The following TRHDE variants were observed in gnomAD, a reference collection of about 807,000 sequenced individuals.
TRHDE encodes the protein thyrotropin releasing hormone degrading enzyme.
Under a neutral mutation model 125.7 loss-of-function variants are expected in TRHDE, and 72 were observed. The observed-to-expected ratio is 0.57, with a 90% confidence interval of 0.47 to 0.70. The LOEUF (loss-of-function observed/expected upper bound fraction) is 0.70. Ranked by LOEUF, TRHDE falls within the 30% of genes least tolerant of loss-of-function variation. The pLI, the probability that TRHDE is intolerant of heterozygous loss-of-function variation, is 0.00. For missense variants in TRHDE, 1,110 were observed against 1,327.1 expected, an observed-to-expected ratio of 0.84 and a Z score of 2.54; for synonymous variants, 509 against 509.1, an observed-to-expected ratio of 1.00 and a Z score of 0.00.
chr12:72,466,324 G>C (rs1185752339), intron 3 of TRHDE, among the ~76,000 whole-genome samples: 1 of 152,122 alleles, frequency 6.6e-6, no homozygotes, highest in Non-Finnish European at 1.5e-5. Flanking sequence ...GGCTTGATAT[G>C]CTAGCTTAGC....
chr12:72,611,509 C>T lies in TRHDE; in HGVS notation c.2322-7382C>T, dbSNP rs74105930. The stretch of plus-strand genomic sequence containing the variant: ...TCAGTAATGATTTGAAAAGACAGCC[C>T]TCTTGACCTTTTTGCACTTTCAACT... On this transcript the variant is annotated intron_variant, in intron 12 of 18. Transcript: ENST00000261180. Among the ~76,000 whole-genome samples, 1,096 of 152,238 alleles carry T rather than the reference C, an allele frequency of 7.2e-3. 14 individuals are homozygous for T. Among genetic ancestry groups the T allele is most frequent in the African/African-American group, 0.025 (1,053 of 41,544 alleles).
rs1477108684 is a variant in TRHDE, at chr12:72,653,020, C to T, written c.2848C>T (p.Leu950=). The part of the protein sequence containing the change: ...SDDRNLLNRL[L]NLSLNSEVVL... ...TACAAAATTCTATCTTTGAAGGCTT[C>T]TAAATCTGTCACTGAATTCTGAGGT... The change falls in exon 17 of 19, where the codon CTA becomes TTA. Residue 950 remains leucine, a synonymous_variant. Transcript: ENST00000261180. 6.2e-7 allele frequency: 1 copy of T among 1,603,198 alleles called. No homozygotes were observed. Among genetic ancestry groups the T allele is most frequent in the South Asian group, 1.1e-5 (1 of 89,198 alleles).
chr12:72,341,313 G>C (rs1870077848), intron 2 of TRHDE, among the ~76,000 whole-genome samples: 2 of 149,602 alleles, frequency 1.3e-5, no homozygotes, highest in South Asian at 4.2e-4. Flanking sequence ...TCCCCGCCCT[G>C]TGTCCAAGTG....
intron 2 of TRHDE, among the ~76,000 whole-genome samples, chr12:72,295,048 A>T (rs1330247184): frequency 6.6e-6 from 1 of 151,488 alleles, no homozygotes; most frequent in East Asian, 2.0e-4. Context: ...CTGGGCCCCC[A>T]AAAGTGCAGG....
At chr12:72,447,615 C>T (rs1402010788) in intron 3 of TRHDE, among the ~76,000 whole-genome samples, 1 of 152,004 alleles carries the variant, frequency 6.6e-6, no homozygotes, top group Non-Finnish European at 1.5e-5. Flanking sequence ...GATACACACT[C>T]ATATTTGAGA....
At position 72,318,915 on chromosome 12, in the gene TRHDE, T is replaced by C. The variant is rs552282982; in HGVS notation, c.1188+31961T>C. 6.6e-5 allele frequency among the ~76,000 whole-genome samples: 10 copies of C among 152,048 alleles called. No individual in the cohort carries two copies. In the South Asian group the frequency reaches 1.2e-3, roughly 19 times the overall value. On this transcript the variant is annotated intron_variant, in intron 2 of 18. Transcript: ENST00000261180. ...CCATGAGAAAGGAATGGCAGAGAAA[T>C]CATTGGTAGGATGATTCTGGAAGGC...
At chr12:72,516,333 A>G (rs1309034844) in intron 6 of TRHDE, among the ~76,000 whole-genome samples, 3 of 152,062 alleles carry the variant, frequency 2.0e-5, no homozygotes, top group Admixed American at 6.6e-5. Flanking sequence ...GCAGTGGTTT[A>G]TAGTTCTTCT....
At position 72,669,695 on chromosome 12, in the gene TRHDE, A is replaced by ATAGGTT. The variant is rs1174812061; in HGVS notation, c.*6503_*6508dup. The ATAGGTT allele has an allele frequency of 6.6e-6, 1 of 151,946 alleles. No individual in the cohort carries two copies. Among genetic ancestry groups the ATAGGTT allele is most frequent in the African/African-American group, 2.4e-5 (1 of 41,546 alleles). The allele number at this position is 151,946 out of a possible 1,614,324, so 9.4% of individuals were successfully genotyped here. ...TTTTTGCTATTAATTTTCATTTAAA[A>ATAGGTT]TAGGTTTATTAACTAGCAAATCTCA... On this transcript the variant is annotated 3_prime_UTR_variant, in exon 19 of 19. Transcript: ENST00000261180.
intron 2 of TRHDE, among the ~76,000 whole-genome samples, chr12:72,359,328 T>G (rs985449501): frequency 9.2e-5 from 14 of 151,762 alleles, no homozygotes; most frequent in Admixed American, 6.6e-4. Context: ...AGTAGAAGCA[T>G]TCCAAATAAA....
chr12:72,452,852 A>G (rs747025521), intron 3 of TRHDE, among the ~76,000 whole-genome samples: 7 of 151,646 alleles, frequency 4.6e-5, no homozygotes, highest in Non-Finnish European at 8.8e-5. Flanking sequence ...CATGATTGTA[A>G]TTTTCCTGAG....
chr12:72,250,837 G>GATATATATATATAT (rs376713479), intron 2 of TRHDE, among the ~76,000 whole-genome samples: 5,384 of 117,516 alleles, frequency 0.046, 210 homozygotes, highest in Non-Finnish European at 0.067. Flanking sequence ...ATGACTTACA[G>GATATATATATATAT]ATATATATAT....
intron 7 of TRHDE, among the ~76,000 whole-genome samples, chr12:72,547,480 A>T (rs1827187927): frequency 6.6e-6 from 1 of 151,824 alleles, no homozygotes; most frequent in African/African-American, 2.4e-5. Context: ...GATTACTCAT[A>T]AAATAAGGAT....
intron 1 of TRHDE, among the ~76,000 whole-genome samples, chr12:72,278,965 AT>A (rs1257850342): frequency 6.6e-6 from 1 of 151,890 alleles, no homozygotes; most frequent in African/African-American, 2.4e-5. Context: ...CCGTTTGTCT[AT>A]TTTTTGCTTT....
chr12:72,537,525 C>T (rs573410578), intron 6 of TRHDE, among the ~76,000 whole-genome samples: 67 of 152,178 alleles, frequency 4.4e-4, no homozygotes, highest in South Asian at 8.3e-4. Context: ...CCTGAGGCTT[C>T]CCCAGCCATG....
At chr12:72,186,742 T>C (rs1280166768) in intron 2 of TRHDE, 1 of 152,242 alleles carries the variant, frequency 6.6e-6, no homozygotes, top group Non-Finnish European at 1.5e-5. Flanking sequence ...AATAGAATTA[T>C]TTTACTAAAA....
chr12:72,594,050 C>T (rs1026483868), intron 12 of TRHDE, among the ~76,000 whole-genome samples: 1 of 152,122 alleles, frequency 6.6e-6, no homozygotes. Flanking sequence ...ATGGCTGGGT[C>T]AAATGGTATT....
At chr12:72,586,444 G>A (rs993471598) in intron 12 of TRHDE, among the ~76,000 whole-genome samples, 20 of 152,280 alleles carry the variant, frequency 1.3e-4, no homozygotes, top group African/African-American at 4.8e-4. Flanking sequence ...GTGGAGTGGA[G>A]TATCATTGAA....
At chr12:72,642,166 A>G (rs1323101755) in intron 15 of TRHDE, among the ~76,000 whole-genome samples, 1 of 152,184 alleles carries the variant, frequency 6.6e-6, no homozygotes, top group Non-Finnish European at 1.5e-5. Flanking sequence ...ATTGTTTATA[A>G]GCCTCCCAGT....
intron 12 of TRHDE, among the ~76,000 whole-genome samples, chr12:72,597,768 C>CAA (rs1281868668): frequency 1.7e-5 from 2 of 117,212 alleles, no homozygotes; most frequent in Admixed American, 1.8e-4. Context: ...TGCATACACA[C>CAA]ACAAATACAT....
Sources: allele counts gnomAD v4.1 joint callset (sites outside exome capture counted in the v4.1 genomes callset), GRCh38; gene constraint gnomAD v4.1.1; transcripts MANE v1.5; gene names NCBI Gene and HGNC (gene_info 2026-07-23, HGNC 2026-07-21).